VPS53: variants seen among roughly 807,000 people sequenced by gnomAD.
VPS53 encodes the protein VPS53 subunit of GARP complex.
In VPS53, 70 loss-of-function variants were observed where a neutral mutation model predicts 107.0. The ratio of observed to expected loss-of-function variants is 0.65; its 90% confidence interval spans 0.54 to 0.80. The LOEUF (loss-of-function observed/expected upper bound fraction) is 0.80. Among genes scored for constraint, VPS53 ranks in the 30% least tolerant of loss-of-function variants. VPS53 has a pLI of 0.00. For missense variants in VPS53, 917 were observed against 1,049.4 expected, an observed-to-expected ratio of 0.87 and a Z score of 1.74; for synonymous variants, 409 against 393.3, an observed-to-expected ratio of 1.04 and a Z score of -0.47.
At chr17:590,820 G>C (rs1433961749) in intron 12 of VPS53, among the ~76,000 whole-genome samples, 1 of 149,478 alleles carries the variant, frequency 6.7e-6, no homozygotes, top group South Asian at 2.2e-4. Flanking sequence ...GTTCATCAAG[G>C]ATATTGGTCT....
chr17:609,131 C>T (rs1249396160), intron 11 of VPS53, among the ~76,000 whole-genome samples: 1 of 152,124 alleles, frequency 6.6e-6, no homozygotes, highest in African/African-American at 2.4e-5. Context: ...TTTTTCACCC[C>T]CAAAAGCAAC....
Position 631,589 on chromosome 17 carries a change from C to T in VPS53, c.648G>A (p.Leu216=). Residue 216 remains leucine, a synonymous_variant, in exon 8 of 22, where the codon CTG becomes CTA. Coordinates refer to ENST00000437048, the MANE Select transcript of VPS53 (RefSeq NM_001128159.3). ...AAGGAAACGCTTCTTCAAAATCTGC[C>T]AGGATTTGCTGTCCTAACTCAGTCT... ...AAQTELGQQI[L]ADFEEAFPSQ... The T allele has an allele frequency of 1.9e-6, 3 of 1,614,076 alleles. No homozygotes were observed. The highest frequency in any genetic ancestry group is 2.5e-6 in the Non-Finnish European group (3 of 1,179,990).
intron 4 of VPS53, among the ~76,000 whole-genome samples, chr17:695,599 G>C (rs1054016690): frequency 6.6e-6 from 1 of 152,050 alleles, no homozygotes; most frequent in African/African-American, 2.4e-5. Context: ...TCCCAGGCTG[G>C]AGTGCAGTGG....
intron 4 of VPS53, among the ~76,000 whole-genome samples, chr17:662,673 AG>A (rs1283421923): frequency 6.6e-6 from 1 of 151,066 alleles, no homozygotes; most frequent in Non-Finnish European, 1.5e-5. Context: ...TGGGTGACAG[AG>A]CGAGACTCCA....
At chr17:621,877 CTTTTGGG>C (rs1411073161) in intron 11 of VPS53, among the ~76,000 whole-genome samples, 2 of 152,026 alleles carry the variant, frequency 1.3e-5, no homozygotes, top group African/African-American at 4.8e-5. Flanking sequence ...TTCTTCATGG[CTTTTGGG>C]TTTTATGTCT....
At position 562,717 on chromosome 17, in the gene VPS53, C is replaced by G; in HGVS notation, c.1342G>C (p.Val448Leu). 6.2e-7 allele frequency: 1 copy of G among 1,611,478 alleles called. No homozygotes were observed. The highest frequency in any genetic ancestry group is 8.5e-7 in the Non-Finnish European group (1 of 1,179,350). The change falls in exon 14 of 22, where the codon GTG becomes CTG. Residue 448 changes from valine (V) to leucine (L), a missense_variant. Coordinates refer to ENST00000437048, the MANE Select transcript of VPS53 (RefSeq NM_001128159.3). ...GGCCCCTGGGCTTTGAAATCAGCCA[C>G]AAACCGATCTATCAGCTCTCCGAGG... ...KNLGELIDRF[V>L]ADFKAQGPPK...
chr17:699,996 C>G (rs903809023), intron 2 of VPS53, among the ~76,000 whole-genome samples: 11 of 152,052 alleles, frequency 7.2e-5, no homozygotes, highest in Admixed American at 7.2e-4. Flanking sequence ...TGTTTTATTT[C>G]TTGATCTGGG....
intron 13 of VPS53, among the ~76,000 whole-genome samples, chr17:564,537 C>A: frequency 9.6e-6 from 1 of 103,686 alleles, no homozygotes. Flanking sequence ...GAGACTCTGT[C>A]TCAGAAAAAA....
chr17:532,981 G>T, intron 18 of VPS53, 70 bp from the exon 19 acceptor site: 2 of 1,558,258 alleles, frequency 1.3e-6, no homozygotes, highest in Non-Finnish European at 1.7e-6. Context: ...AAACTTTAAG[G>T]TTCCACGTAT....
intron 13 of VPS53, among the ~76,000 whole-genome samples, chr17:566,160 C>T (rs1447556950): frequency 1.3e-5 from 2 of 148,452 alleles, no homozygotes; most frequent in Non-Finnish European, 3.0e-5. Flanking sequence ...GCCGAGATCC[C>T]GCCACTGCAC....
At chr17:631,762 G>C in intron 7 of VPS53, 134 bp from the exon 8 acceptor site, 1 of 673,350 alleles carries the variant, frequency 1.5e-6, no homozygotes, top group Non-Finnish European at 2.6e-6. Flanking sequence ...TGAGGTGAGA[G>C]GTCACATACT....
At chr17:552,795 C>T (rs556513476) in intron 16 of VPS53, 27 of 275,036 alleles carry the variant, frequency 9.8e-5, no homozygotes, top group African/African-American at 5.2e-4. Flanking sequence ...TTCTTAGTGG[C>T]CAGTAGGGAC....
chr17:551,846 T>G (rs1273974990), intron 17 of VPS53, 26 bp downstream of exon 17: 2 of 1,560,706 alleles, frequency 1.3e-6, no homozygotes, highest in Non-Finnish European at 1.7e-6. Flanking sequence ...CGTTAGTTTG[T>G]AGGATGCCAT....
chr17:668,061 G>A (rs1971771253), intron 4 of VPS53, among the ~76,000 whole-genome samples: 1 of 152,100 alleles, frequency 6.6e-6, no homozygotes, highest in East Asian at 1.9e-4. Context: ...AAAAGGTTGG[G>A]GACCACTGGT....
intron 11 of VPS53, among the ~76,000 whole-genome samples, chr17:609,072 T>G (rs924649728): frequency 6.6e-6 from 1 of 152,218 alleles, no homozygotes; most frequent in Non-Finnish European, 1.5e-5. Context: ...ATTCAGTGGT[T>G]TTCGGACATT....
chr17:623,513 C>CT lies in VPS53; in HGVS notation c.1116+19dup, dbSNP rs747936559. Reference sequence around the variant, plus strand: ...CCAACCCACTGATTTCACGTGGCAGCTCCCTAGGGAAGGTCTTACCAGGGT... The same window carrying CT: ...CCAACCCACTGATTTCACGTGGCAGCTTCCCTAGGGAAGGTCTTACCAGGGT... On this transcript the variant is annotated intron_variant, in intron 11 of 21. Coordinates refer to ENST00000437048, the MANE Select transcript of VPS53 (RefSeq NM_001128159.3). The CT allele has an allele frequency of 7.5e-6, 12 of 1,598,662 alleles. No individual in the cohort carries two copies. The highest frequency in any genetic ancestry group is 1.0e-5 in the Non-Finnish European group (12 of 1,168,828).
At chr17:678,641 T>C (rs988493181) in intron 4 of VPS53, among the ~76,000 whole-genome samples, 1 of 148,914 alleles carries the variant, frequency 6.7e-6, no homozygotes, top group African/African-American at 2.5e-5. Flanking sequence ...TAAATATATA[T>C]ATATATATAT....
At chr17:579,421 C>T (rs760108937) in intron 13 of VPS53, among the ~76,000 whole-genome samples, 15 of 151,626 alleles carry the variant, frequency 9.9e-5, no homozygotes, top group Non-Finnish European at 2.1e-4. Flanking sequence ...ACCCTCAGGA[C>T]CTAATGTGGT....
At chr17:558,205 C>T (rs937174991) in intron 15 of VPS53, among the ~76,000 whole-genome samples, 5 of 152,202 alleles carry the variant, frequency 3.3e-5, no homozygotes, top group East Asian at 3.8e-4. Context: ...TGGTGGCTCA[C>T]GCCTATAATC....
Sources: allele counts gnomAD v4.1 joint callset (sites outside exome capture counted in the v4.1 genomes callset), GRCh38; gene constraint gnomAD v4.1.1; transcripts MANE v1.5; gene names NCBI Gene and HGNC (gene_info 2026-07-23, HGNC 2026-07-21).